Variants in SACS observed in about 807,000 individuals in gnomAD.
SACS encodes the protein sacsin molecular chaperone.
A neutral mutation model predicts 348.0 loss-of-function variants in SACS; 197 were observed. The ratio of observed to expected loss-of-function variants is 0.57; its 90% CI spans 0.50 to 0.64. The LOEUF is 0.64. Ranked by LOEUF, SACS falls within the 30% of genes least tolerant of loss-of-function variation. The pLI, the probability that SACS is intolerant of heterozygous loss-of-function variation, is 0.00. For synonymous variants in SACS, 1,985 were observed against 1,910.6 expected (o/e 1.04, Z -1.02); for missense variants, 4,999 against 5,360.8 (o/e 0.93, Z 2.11).
intron 2 of SACS, among the ~76,000 whole-genome samples, chr13:23,379,916 C>T (rs1871973126): frequency 6.6e-6 from 1 of 152,130 alleles, no homozygotes; most frequent in African/African-American, 2.4e-5. Context: ...TGCCTTCCTG[C>T]TTGGTCTTAT....
chr13:23,386,284 A>G (rs1284235274), intron 2 of SACS, among the ~76,000 whole-genome samples: 1 of 152,240 alleles, frequency 6.6e-6, no homozygotes, highest in African/African-American at 2.4e-5. Flanking sequence ...TAGTGTAGTC[A>G]CCTTCATCAG....
Position 23,333,103 on chromosome 13 carries a change from T to G in SACS, c.10773A>C (p.Leu3591=). The G allele has an allele frequency of 6.2e-7, 1 of 1,613,804 alleles. No homozygotes were observed. Among genetic ancestry groups the G allele is most frequent in the South Asian group, 1.1e-5 (1 of 91,070 alleles). ...SWVEFLRNIG[L]KYILSQQQLL... is the part of the protein sequence containing the mutation. ...ACTGCTGCTGAGAAAGTATGTATTTTAGTCCAATATTTCTTAAGAATTCCA... is the reference window on the plus strand; with the variant it reads ...ACTGCTGCTGAGAAAGTATGTATTTGAGTCCAATATTTCTTAAGAATTCCA... The change falls in exon 10 of 10, where the codon CTA becomes CTC. Residue 3591 remains leucine, a synonymous_variant. Transcript: ENST00000382292.
Position 23,332,959 on chromosome 13 carries a change from C to T in SACS, c.10917G>A (p.Leu3639=). ...GTTCTTTCAGAAAATTTCCAGATAACAAATCCATTCGTTCTTGGAATATAT... is the reference window on the plus strand; with the variant it reads ...GTTCTTTCAGAAAATTTCCAGATAATAAATCCATTCGTTCTTGGAATATAT... The part of the protein sequence containing the change: ...LHHIFQERMD[L]LSGNFLKELS... The change falls in exon 10 of 10, where the codon TTG becomes TTA. Residue 3639 remains leucine (L), a synonymous_variant. Coordinates refer to ENST00000382292, the MANE Select transcript of SACS (RefSeq NM_014363.6). The T allele has an allele frequency of 1.9e-6, 3 of 1,613,884 alleles. No individual in the cohort carries two copies. Among genetic ancestry groups the T allele is most frequent in the Non-Finnish European group, 2.5e-6 (3 of 1,179,896 alleles).
At chr13:23,416,409 T>C (rs1440798526) in intron 1 of SACS, among the ~76,000 whole-genome samples, 1 of 152,088 alleles carries the variant, frequency 6.6e-6, no homozygotes, top group African/African-American at 2.4e-5. Flanking sequence ...TAAAAGTTAA[T>C]TCCTTAAAAA....
chr13:23,423,183 C>T (rs556750130), intron 1 of SACS, among the ~76,000 whole-genome samples: 1 of 152,196 alleles, frequency 6.6e-6, no homozygotes, highest in African/African-American at 2.4e-5. Context: ...TCCAAGCAGA[C>T]GTTCTTTAGA....
rs1197137693 is a variant in SACS, at chr13:23,331,919, G to T, written c.11957C>A (p.Thr3986Asn). ...SILEEQLDEE[T>N]PKVCQFGALC... The stretch of plus-strand genomic sequence containing the variant: ...CGCTCCAAACTGACAAACTTTGGGA[G>T]TCTCTTCATCTAATTGTTCTTCAAG... Residue 3986 changes from threonine to asparagine, a missense_variant, in exon 10 of 10, where the codon ACT (threonine) becomes AAT (asparagine). This residue lies in a region of SACS where 831 missense variants were observed against 941.8 expected (regional missense o/e 0.88). Coordinates refer to ENST00000382292, the MANE Select transcript of SACS (RefSeq NM_014363.6). 1 of 1,614,038 alleles carries T rather than the reference G, an allele frequency of 6.2e-7. No individual in the cohort carries two copies. The highest frequency in any genetic ancestry group is 8.5e-7 in the Non-Finnish European group (1 of 1,179,944).
Position 23,330,055 on chromosome 13 carries a change from G to T in SACS, c.*81C>A. On this transcript the variant is annotated 3_prime_UTR_variant, in exon 10 of 10. Transcript: ENST00000382292. Reference sequence around the variant, plus strand: ...TGTGCTTAACAATTCCTAGCTAATTGGCAATGAAGCTTAATGAAGTACAGC... The same window carrying T: ...TGTGCTTAACAATTCCTAGCTAATTTGCAATGAAGCTTAATGAAGTACAGC... The T allele has an allele frequency of 2.4e-6, 3 of 1,233,830 alleles. No individual in the cohort carries two copies. The highest frequency in any genetic ancestry group is 3.5e-6 in the Non-Finnish European group (3 of 856,276). 76.4% of individuals were successfully genotyped at this position (1,233,830 alleles called of 1,614,324 possible). A position where few individuals can be genotyped will look rare whatever the true frequency, so the allele number is the denominator to read the frequency against.
chr13:23,375,459 G>C (rs1871714609), intron 2 of SACS, 190 bp from the exon 3 acceptor site: 3 of 1,173,860 alleles, frequency 2.6e-6, no homozygotes, highest in South Asian at 4.3e-5. Flanking sequence ...GGCCGGGAGG[G>C]CGGGATCCGC....
In SACS at chr13:23,425,122, G is replaced by A. The variant is rs545809063; in HGVS notation, c.-502+8493C>T. On this transcript the variant is annotated intron_variant, in intron 1 of 9. Transcript: ENST00000382292. The stretch of plus-strand genomic sequence containing the variant: ...CACTGGTGTCCACTTGGGGCCTGAC[G>A]TCCACCTCGAGCTGGATGGTCCTCT... Among the ~76,000 whole-genome samples the A allele has an allele frequency of 9.7e-4, 147 of 151,514 alleles. 1 individual carries two copies. The South Asian group carries it at 0.012, about 12-fold the overall frequency.
chr13:23,335,536 A>G lies in SACS; in HGVS notation c.8340T>C (p.Phe2780=). ...TAACACTATCAATTACAGATGCATGAAATTGTTTCCTTTTCAATCTGTCTC... is the reference window on the plus strand; with the variant it reads ...TAACACTATCAATTACAGATGCATGGAATTGTTTCCTTTTCAATCTGTCTC... ...TDGDRLKRKQ[F]HASVIDSVTK... Residue 2780 remains phenylalanine, a synonymous_variant, in exon 10 of 10, where the codon TTT becomes TTC. Transcript: ENST00000382292. This position sits in a 1 kb window ranked among gnomAD's most constrained non-coding sequence, Gnocchi z 4.7. 6.2e-7 allele frequency: 1 copy of G among 1,613,712 alleles called. No homozygotes were observed. Among genetic ancestry groups the G allele is most frequent in the Non-Finnish European group, 8.5e-7 (1 of 1,179,900 alleles).
chr13:23,386,703 T>C (rs1332902787), intron 2 of SACS, among the ~76,000 whole-genome samples: 1 of 152,240 alleles, frequency 6.6e-6, no homozygotes, highest in Non-Finnish European at 1.5e-5. Context: ...CTGTCTTGGC[T>C]TTCAACCTGC....
At chr13:23,342,629 G>A (rs1251859460) in intron 9 of SACS, among the ~76,000 whole-genome samples, 2 of 152,164 alleles carry the variant, frequency 1.3e-5, no homozygotes, top group Non-Finnish European at 2.9e-5. Context: ...TGGAACATTT[G>A]GGGTTTCAGA....
rs767747920 is a variant in SACS, at chr13:23,335,589, A to G, written c.8287T>C (p.Tyr2763His). ...DKSTGALNVLYSVKGKITDGD... is the reference protein window; with the variant it reads ...DKSTGALNVLHSVKGKITDGD... ...TCTGTGATTTTGCCCTTTACTGAAT[A>G]CAGCACATTTAGAGCTCCAGTACTC... is the stretch of plus-strand genomic sequence containing the variant. Residue 2763 changes from tyrosine to histidine, a missense_variant, in exon 10 of 10, where the codon TAT becomes CAT. Tyr to His is a moderately conservative substitution (Grantham distance 83). This residue lies in a region of SACS where 3,156 missense variants were observed against 3,380.1 expected (regional missense o/e 0.93). Transcript: ENST00000382292. The surrounding 1 kb of genome is among the most constrained non-coding windows in gnomAD (Gnocchi z 4.7). The G allele has an allele frequency of 6.2e-6, 10 of 1,613,892 alleles. No individual in the cohort carries two copies. Among genetic ancestry groups the G allele is most frequent in the Non-Finnish European group, 7.6e-6 (9 of 1,179,904 alleles).
In SACS at chr13:23,417,981, A is replaced by C. The variant is rs141304500; in HGVS notation, c.-501-6241T>G. 1.1e-3 allele frequency among the ~76,000 whole-genome samples: 163 copies of C among 151,300 alleles called. 1 individual carries two copies. Among genetic ancestry groups the C allele is most frequent in the African/African-American group, 3.6e-3 (150 of 41,170 alleles). On this transcript the variant is annotated intron_variant, in intron 1 of 9. Coordinates refer to ENST00000382292, the MANE Select transcript of SACS (RefSeq NM_014363.6). Reference sequence around the variant, plus strand: ...TTACTAGGGAGGCTGAGGTGGGAGGATCACTTGAGCCCAGGAGGCAGTCTG... The same window carrying C: ...TTACTAGGGAGGCTGAGGTGGGAGGCTCACTTGAGCCCAGGAGGCAGTCTG...
chr13:23,337,238 ATTGT>A lies in SACS; in HGVS notation c.6634_6637del (p.Thr2212SerfsTer7). 1 of 1,613,956 alleles carries A rather than the reference ATTGT, an allele frequency of 6.2e-7. No individual in the cohort carries two copies. The highest frequency in any genetic ancestry group is 8.5e-7 in the Non-Finnish European group (1 of 1,179,920). ...TTTTGTCAGAAATGGAAGGAAGCGG[ATTGT>A]TTGATATTTTGCAGCAAAATCCTTT... On this transcript the variant is annotated frameshift_variant, in exon 10 of 10. Transcript: ENST00000382292. LOFTEE classifies it high-confidence loss of function.
rs1210845022 is a variant in SACS at position 23,341,650 on chromosome 13, T to C, written c.2226A>G (p.Arg742=). ...TTACTTCCTTGATAAGACGTGCAAA[T>C]CGTTCTGGATTTAGAAGCTGCAGCT... The part of the protein sequence containing the change: ...CTQLQLLNPE[R]FARLIKEVMN... The change falls in exon 10 of 10, where the codon CGA becomes CGG. Residue 742 remains arginine (R), a synonymous_variant. Transcript: ENST00000382292. 6.2e-7 allele frequency: 1 copy of C among 1,613,320 alleles called. No individual in the cohort carries two copies. The highest frequency in any genetic ancestry group is 8.5e-7 in the Non-Finnish European group (1 of 1,179,974).
chr13:23,375,496 C>T, intron 2 of SACS: 3 of 1,138,826 alleles, frequency 2.6e-6, no homozygotes, highest in Non-Finnish European at 3.2e-6. Flanking sequence ...CGCAGCAGCC[C>T]GCGCCGAGGA....
intron 1 of SACS, among the ~76,000 whole-genome samples, chr13:23,423,643 A>G (rs2138003286): frequency 6.6e-6 from 1 of 152,298 alleles, no homozygotes; most frequent in East Asian, 1.9e-4. Flanking sequence ...GATGTGCTTT[A>G]TTATATCGCT....
intron 2 of SACS, among the ~76,000 whole-genome samples, chr13:23,387,609 T>C (rs1269235629): frequency 2.0e-5 from 3 of 152,138 alleles, no homozygotes; most frequent in South Asian, 2.1e-4. Flanking sequence ...TTCTTTTTGG[T>C]CCTCATAGAC....
Sources: allele counts gnomAD v4.1 joint callset (sites outside exome capture counted in the v4.1 genomes callset), GRCh38; gene constraint gnomAD v4.1.1; regional missense constraint gnomAD v4.1.1; non-coding constraint Gnocchi (gnomAD v3.1); transcripts MANE v1.5; gene names NCBI Gene and HGNC (gene_info 2026-07-23, HGNC 2026-07-21).